The following HECW1 variants were observed in gnomAD, a reference collection of about 807,000 sequenced individuals.
HECW1 encodes HECT, C2 and WW domain containing E3 ubiquitin protein ligase 1, also known as E3 ubiquitin-protein ligase HECW1.
HECW1 carries 61 observed loss-of-function variants against 182.3 expected under a neutral mutation model. The observed-to-expected ratio is 0.33, with a 90% CI of 0.27 to 0.41. The LOEUF (loss-of-function observed/expected upper bound fraction) is 0.41, where lower values mean the gene tolerates loss of function less well. Ranked by LOEUF, HECW1 falls within the 10% of genes least tolerant of loss-of-function variation. HECW1 has a pLI of 1.00. For synonymous variants in HECW1, 859 were observed against 832.6 expected, an observed-to-expected ratio of 1.03 and a Z score of -0.55; for missense variants, 1,739 against 2,108.9, an observed-to-expected ratio of 0.82 and a Z score of 3.44.
chr7:43,141,464 T>G (rs1788144479), intron 2 of HECW1, among the ~76,000 whole-genome samples: 1 of 152,208 alleles, frequency 6.6e-6, no homozygotes, highest in Admixed American at 6.5e-5. Flanking sequence ...GTGTTGACAT[T>G]TCTCTTGGGT....
chr7:43,489,227 C>A (rs894174778), intron 17 of HECW1, among the ~76,000 whole-genome samples: 2 of 152,152 alleles, frequency 1.3e-5, no homozygotes, highest in African/African-American at 4.8e-5. Flanking sequence ...ACTTAGATAA[C>A]CTTCAGCTGG....
At position 43,458,863 on chromosome 7, in the gene HECW1, C is replaced by G. The variant is rs185192076; in HGVS notation, c.2651+2416C>G. ...CATGTGGAAGTATTATTCAGTGTTG[C>G]AAGGAGTTTCCCTTGAGCTGAACCA... On this transcript the variant is annotated intron_variant, in intron 13 of 29. Coordinates refer to ENST00000395891, the MANE Select transcript of HECW1 (RefSeq NM_015052.5). Among the ~76,000 whole-genome samples, 4 of 152,254 alleles carry G rather than the reference C, an allele frequency of 2.6e-5. No individual in the cohort carries two copies. In the East Asian group the frequency reaches 7.7e-4, roughly 29 times the overall value.
Position 43,535,137 on chromosome 7 carries a change from T to A in HECW1, c.4020-6026T>A, listed in dbSNP as rs559528029. Among the ~76,000 whole-genome samples, 5 of 152,156 alleles carry A rather than the reference T, an allele frequency of 3.3e-5. No individual in the cohort carries two copies. In the South Asian group the frequency reaches 1.0e-3, roughly 32 times the overall value. ...TTGTGATATCATCCTCCACAGCACATTGCCTTCCTTGAATTGTTGGCAAAT... is the reference window on the plus strand; with the variant it reads ...TTGTGATATCATCCTCCACAGCACAATGCCTTCCTTGAATTGTTGGCAAAT... On this transcript the variant is annotated intron_variant, in intron 24 of 29. Transcript: ENST00000395891.
chr7:43,322,225 AT>A (rs1017032337), intron 5 of HECW1, among the ~76,000 whole-genome samples: 2 of 151,972 alleles, frequency 1.3e-5, no homozygotes, highest in Non-Finnish European at 2.9e-5. Context: ...ACCTGCCACC[AT>A]TTTTTGTATT....
At chr7:43,313,780 C>T (rs1808839657) in intron 4 of HECW1, among the ~76,000 whole-genome samples, 1 of 152,218 alleles carries the variant, frequency 6.6e-6, no homozygotes, top group South Asian at 2.1e-4. Flanking sequence ...TGTGATACCA[C>T]ATGGTTCTAA....
intron 3 of HECW1, among the ~76,000 whole-genome samples, chr7:43,253,189 A>T (rs1369211330): frequency 6.6e-6 from 1 of 152,180 alleles, no homozygotes; most frequent in Non-Finnish European, 1.5e-5. Context: ...AACCACTGGC[A>T]ACCTCTTGGA....
At position 43,349,723 on chromosome 7, in the gene HECW1, C is replaced by T. The variant is rs1301072630; in HGVS notation, c.461-11163C>T. Among the ~76,000 whole-genome samples the T allele has an allele frequency of 2.6e-5, 4 of 152,118 alleles. No individual in the cohort carries two copies. The East Asian group carries it at 7.7e-4, about 29-fold the overall frequency. ...TTTGCATGAAATGCCTTTTTTCACCCCTTTACTTTATGTGAGTCCTTATGT... is the reference window on the plus strand; with the variant it reads ...TTTGCATGAAATGCCTTTTTTCACCTCTTTACTTTATGTGAGTCCTTATGT... On this transcript the variant is annotated intron_variant, in intron 5 of 29. Transcript: ENST00000395891.
chr7:43,318,723 C>T (rs1013945176), intron 4 of HECW1, among the ~76,000 whole-genome samples: 1 of 152,206 alleles, frequency 6.6e-6, no homozygotes, highest in African/African-American at 2.4e-5. Flanking sequence ...TTTCTCAGTC[C>T]AGCCAGATGC....
At chr7:43,404,504 A>G (rs879519547) in intron 7 of HECW1, among the ~76,000 whole-genome samples, 1 of 152,218 alleles carries the variant, frequency 6.6e-6, no homozygotes, top group Non-Finnish European at 1.5e-5. Flanking sequence ...AATAAGAACA[A>G]TAAGAGTGAC....
intron 2 of HECW1, among the ~76,000 whole-genome samples, chr7:43,240,829 G>A (rs1798811902): frequency 6.6e-6 from 1 of 152,178 alleles, no homozygotes; most frequent in Admixed American, 6.5e-5. Flanking sequence ...TGAAGAAGTG[G>A]CCTCAGGCAG....
At chr7:43,505,929 T>C (rs1383182866) in intron 21 of HECW1, among the ~76,000 whole-genome samples, 1 of 152,226 alleles carries the variant, frequency 6.6e-6, no homozygotes, top group Non-Finnish European at 1.5e-5. Context: ...GTACCTGGAA[T>C]ATAGTAAGTA....
At chr7:43,159,678 C>CT (rs36117153) in intron 2 of HECW1, among the ~76,000 whole-genome samples, 16,589 of 123,724 alleles carry the variant, frequency 0.13, 1,704 homozygotes, top group Non-Finnish European at 0.18. Context: ...TTCCTTGTAT[C>CT]TTTTTTTTTT....
At position 43,200,395 on chromosome 7, in the gene HECW1, A is replaced by G. The variant is rs1221433624; in HGVS notation, c.-31-43480A>G. On this transcript the variant is annotated intron_variant, in intron 2 of 29. Transcript: ENST00000395891. ...AAGAATGGAAAATTTTGGCTCATGCATGTCACTCAATTAGTCAAATGATCA... is the reference window on the plus strand; with the variant it reads ...AAGAATGGAAAATTTTGGCTCATGCGTGTCACTCAATTAGTCAAATGATCA... Among the ~76,000 whole-genome samples, 5 of 152,240 alleles carry G rather than the reference A, an allele frequency of 3.3e-5. No homozygotes were observed. In the South Asian group the frequency reaches 1.0e-3, roughly 31 times the overall value.
chr7:43,202,906 C>T (rs1188468025), intron 2 of HECW1, among the ~76,000 whole-genome samples: 1 of 152,208 alleles, frequency 6.6e-6, no homozygotes, highest in Non-Finnish European at 1.5e-5. Context: ...ACCCCCACCC[C>T]TGCTAGCCAG....
intron 2 of HECW1, among the ~76,000 whole-genome samples, chr7:43,126,652 A>G (rs1006715068): frequency 2.0e-5 from 3 of 152,212 alleles, no homozygotes; most frequent in African/African-American, 7.2e-5. Context: ...TTTTTCTTAC[A>G]AATTGAAGAT....
At chr7:43,265,560 G>A (rs918808805) in intron 3 of HECW1, among the ~76,000 whole-genome samples, 2 of 152,186 alleles carry the variant, frequency 1.3e-5, no homozygotes, top group African/African-American at 4.8e-5. Flanking sequence ...ATGCTAATAA[G>A]TTTAAAACAC....
intron 4 of HECW1, among the ~76,000 whole-genome samples, chr7:43,319,126 G>A (rs939524587): frequency 5.3e-5 from 8 of 152,242 alleles, no homozygotes; most frequent in African/African-American, 1.9e-4. Flanking sequence ...GGTGGCTCAC[G>A]CCTGTAATCC....
intron 13 of HECW1, among the ~76,000 whole-genome samples, chr7:43,457,774 C>CAA (rs71011918): frequency 1.2e-4 from 14 of 112,282 alleles, no homozygotes; most frequent in East Asian, 2.5e-4. Flanking sequence ...GACTCCATCT[C>CAA]AAAAAAAAAA....
intron 2 of HECW1, among the ~76,000 whole-genome samples, chr7:43,123,082 C>A (rs1041740454): frequency 5.3e-5 from 8 of 152,100 alleles, no homozygotes; most frequent in Admixed American, 5.2e-4. Context: ...TTTGAGAAGG[C>A]AAAATGAAAA....
Sources: allele counts gnomAD v4.1 joint callset (sites outside exome capture counted in the v4.1 genomes callset), GRCh38; gene constraint gnomAD v4.1.1; transcripts MANE v1.5; gene names NCBI Gene and HGNC (gene_info 2026-07-23, HGNC 2026-07-21).